The following FBXW11 variants were observed in gnomAD, a reference collection of about 807,000 sequenced individuals.
FBXW11 encodes the protein F-box and WD repeat domain containing 11.
A neutral mutation model predicts 77.6 loss-of-function variants in FBXW11; 19 were observed. The ratio of observed to expected loss-of-function variants is 0.24; its 90% CI spans 0.17 to 0.36. The LOEUF is 0.36. Among genes scored for constraint, FBXW11 ranks in the 10% least tolerant of loss-of-function variants. The probability of loss-of-function intolerance (pLI) is 1.00; values close to 1 mark genes in which losing one functional copy is unlikely to be tolerated. For missense variants in FBXW11, 334 were observed against 704.2 expected (o/e 0.47, Z 5.95); for synonymous variants, 235 against 249.4 (o/e 0.94, Z 0.54).
chr5:171,869,949 C>T lies in FBXW11; in HGVS notation c.1452-142G>A, dbSNP rs1561630765. ...ACATGCTTATGTTTTTACAAATCAT[C>T]TGAACCAATTACACTTGATTTTGGA... On this transcript the variant is annotated intron_variant, in intron 11 of 13. Coordinates refer to ENST00000517395, the MANE Select transcript of FBXW11 (RefSeq NM_001378974.1). This position sits in a 1 kb window ranked among gnomAD's most constrained non-coding sequence, Gnocchi z 4.1. The T allele has an allele frequency of 2.1e-6, 1 of 473,854 alleles. No individual in the cohort carries two copies. The highest frequency in any genetic ancestry group is 3.8e-6 in the Non-Finnish European group (1 of 260,394). The allele number at this position is 473,854 out of a possible 1,614,324, so 29.4% of individuals were successfully genotyped here.
intron 2 of FBXW11, among the ~76,000 whole-genome samples, chr5:171,951,926 A>G (rs1218873657): frequency 6.6e-6 from 1 of 152,196 alleles, no homozygotes; most frequent in Non-Finnish European, 1.5e-5. Context: ...ATAATTTTGA[A>G]AACTGTTCAA....
In FBXW11 at chr5:171,985,951, A is replaced by G. The variant is rs143473021; in HGVS notation, c.45+20507T>C. Among the ~76,000 whole-genome samples the G allele has an allele frequency of 7.6e-3, 1,151 of 152,176 alleles. 21 individuals carry two copies. The highest frequency in any genetic ancestry group is 0.027 in the African/African-American group (1,108 of 41,526). On this transcript the variant is annotated intron_variant, in intron 1 of 13. Coordinates refer to ENST00000517395, the MANE Select transcript of FBXW11 (RefSeq NM_001378974.1). The stretch of plus-strand genomic sequence containing the variant: ...GGCAGAACAAGATTCTGACCCAAAA[A>G]AATAAAAATTAAAAATGTATATGAC...
rs73329857 is a variant in FBXW11 at position 172,001,269 on chromosome 5, G to A, written c.45+5189C>T. On this transcript the variant is annotated intron_variant, in intron 1 of 13. Transcript: ENST00000517395. ...GGGCAATCAAACACAGCCTCTAGAA[G>A]AAGAGTTTAGGCACAACCACAAGTT... is the stretch of plus-strand genomic sequence containing the variant. Among the ~76,000 whole-genome samples, 361 of 152,360 alleles carry A rather than the reference G, an allele frequency of 2.4e-3. 1 individual carries two copies. The highest frequency in any genetic ancestry group is 8.2e-3 in the African/African-American group (343 of 41,582).
intron 2 of FBXW11, among the ~76,000 whole-genome samples, chr5:171,955,839 CCTT>C (rs1763580742): frequency 6.6e-6 from 1 of 151,844 alleles, no homozygotes; most frequent in Admixed American, 6.6e-5. Context: ...ATCTTTTTTT[CCTT>C]CTTAAGTGAA....
chr5:171,937,094 T>C (rs369985794), intron 2 of FBXW11, among the ~76,000 whole-genome samples: 2 of 152,234 alleles, frequency 1.3e-5, no homozygotes, highest in African/African-American at 4.8e-5. Context: ...ATAACTATTG[T>C]TGGATAAGAG....
chr5:171,991,035 A>G (rs1765706769), intron 1 of FBXW11, among the ~76,000 whole-genome samples: 1 of 152,144 alleles, frequency 6.6e-6, no homozygotes, highest in Admixed American at 6.5e-5. Flanking sequence ...CATGTTGGTC[A>G]GGCTGGTCTT....
rs1298463189 is a variant in FBXW11 at position 171,861,967 on chromosome 5, G to C, written c.*2160C>G. 2.0e-5 allele frequency: 3 copies of C among 152,570 alleles called. No individual in the cohort carries two copies. The highest frequency in any genetic ancestry group is 7.2e-5 in the African/African-American group (3 of 41,416). The allele number at this position is 152,570 out of a possible 1,614,324, so 9.5% of individuals were successfully genotyped here. A position where few individuals can be genotyped will look rare whatever the true frequency, so the allele number is the denominator to read the frequency against. On this transcript the variant is annotated 3_prime_UTR_variant, in exon 14 of 14. Transcript: ENST00000517395. ...TAATCCCAGAAAGTCAGAACTCCTTGGGTGCCAAAGTCCCCTGCTATAATT... is the reference window on the plus strand; with the variant it reads ...TAATCCCAGAAAGTCAGAACTCCTTCGGTGCCAAAGTCCCCTGCTATAATT...
intron 1 of FBXW11, among the ~76,000 whole-genome samples, chr5:171,970,383 A>G (rs976316893): frequency 6.6e-6 from 1 of 152,138 alleles, no homozygotes; most frequent in Non-Finnish European, 1.5e-5. Flanking sequence ...CCATGCTTCT[A>G]AGTTTCCTGA....
At chr5:171,885,218 C>T (rs185714385) in intron 7 of FBXW11, among the ~76,000 whole-genome samples, 10 of 152,300 alleles carry the variant, frequency 6.6e-5, no homozygotes, top group Admixed American at 6.5e-4. Context: ...TTAAAAGTTT[C>T]TTTTCCCTTC....
chr5:171,987,767 A>T (rs978911277), intron 1 of FBXW11, among the ~76,000 whole-genome samples: 2 of 152,040 alleles, frequency 1.3e-5, no homozygotes, highest in African/African-American at 2.4e-5. Context: ...GTAAGTTTTT[A>T]AAATATCCCT....
At chr5:171,881,039 T>C (rs530844393) in intron 7 of FBXW11, among the ~76,000 whole-genome samples, 1 of 152,358 alleles carries the variant, frequency 6.6e-6, no homozygotes, top group South Asian at 2.1e-4. Context: ...TGTTCATTGC[T>C]GCTATATGGG....
At chr5:171,947,992 T>C (rs1763103704) in intron 2 of FBXW11, among the ~76,000 whole-genome samples, 2 of 152,006 alleles carry the variant, frequency 1.3e-5, no homozygotes, top group African/African-American at 4.8e-5. Flanking sequence ...TCCCAGCACT[T>C]TGGGAGGCCA....
intron 6 of FBXW11, among the ~76,000 whole-genome samples, chr5:171,898,706 T>C (rs1581169162): frequency 1.3e-5 from 2 of 152,304 alleles, no homozygotes; most frequent in East Asian, 3.9e-4. Context: ...CCTTGGATTT[T>C]GGAAAATTTA....
At chr5:171,872,825 T>C in intron 10 of FBXW11, 47 bp downstream of exon 10, 1 of 1,387,830 alleles carries the variant, frequency 7.2e-7, no homozygotes, top group Non-Finnish European at 1.0e-6. Flanking sequence ...GAGTCAACAA[T>C]GTGGCAAAAA....
At chr5:171,866,793 C>T (rs1757425295) in intron 13 of FBXW11, among the ~76,000 whole-genome samples, 3 of 152,162 alleles carry the variant, frequency 2.0e-5, no homozygotes, top group African/African-American at 7.2e-5. Context: ...CTCAAGAGAT[C>T]CTTGTCTCCT....
chr5:171,943,811 A>G (rs1233409391), intron 2 of FBXW11, among the ~76,000 whole-genome samples: 2 of 152,204 alleles, frequency 1.3e-5, no homozygotes, highest in Admixed American at 1.3e-4. Context: ...TGCTCAGGGG[A>G]AAGAGTTGCC....
chr5:171,950,613 C>A (rs961781692), intron 2 of FBXW11, among the ~76,000 whole-genome samples: 20 of 152,130 alleles, frequency 1.3e-4, no homozygotes, highest in African/African-American at 4.8e-4. Context: ...TGGCTGGGTG[C>A]GGTGGCTCAT....
At chr5:171,878,919 G>A (rs1402073205) in intron 7 of FBXW11, among the ~76,000 whole-genome samples, 2 of 151,970 alleles carry the variant, frequency 1.3e-5, no homozygotes, top group African/African-American at 4.8e-5. Context: ...AACAAAAAGT[G>A]GAAAATGAAA....
chr5:171,946,129 TA>T (rs1251747124), intron 2 of FBXW11, among the ~76,000 whole-genome samples: 10 of 152,168 alleles, frequency 6.6e-5, no homozygotes, highest in Non-Finnish European at 1.5e-4. Flanking sequence ...CAGAGAAGGA[TA>T]AATTTTGCCT....
Sources: allele counts gnomAD v4.1 joint callset (sites outside exome capture counted in the v4.1 genomes callset), GRCh38; gene constraint gnomAD v4.1.1; non-coding constraint Gnocchi (gnomAD v3.1); transcripts MANE v1.5; gene names NCBI Gene and HGNC (gene_info 2026-07-23, HGNC 2026-07-21).